NRXN1: variants seen among roughly 807,000 people sequenced by gnomAD.
NRXN1 encodes the protein neurexin 1.
NRXN1 carries 39 observed loss-of-function variants against 150.9 expected under a neutral mutation model. The ratio of observed to expected loss-of-function variants is 0.26; its 90% confidence interval spans 0.20 to 0.34. The LOEUF is 0.34. Ranked by LOEUF, NRXN1 falls within the 10% of genes least tolerant of loss-of-function variation. NRXN1 has a pLI of 1.00. For synonymous variants in NRXN1, 924 were observed against 757.0 expected (o/e 1.22, Z -3.62); for missense variants, 1,815 against 1,949.9 (o/e 0.93, Z 1.30).
intron 18 of NRXN1, among the ~76,000 whole-genome samples, chr2:50,217,135 A>G (rs1574544295): frequency 1.3e-5 from 2 of 152,232 alleles, no homozygotes; most frequent in African/African-American, 4.8e-5. Flanking sequence ...AGCAAAGCAG[A>G]TGTAGCAAAA....
intron 13 of NRXN1, among the ~76,000 whole-genome samples, chr2:50,500,281 A>G (rs1178409027): frequency 6.6e-6 from 1 of 152,150 alleles, no homozygotes; most frequent in Non-Finnish European, 1.5e-5. Context: ...TAGAATATGC[A>G]CACAGAGCAT....
intron 15 of NRXN1, among the ~76,000 whole-genome samples, chr2:50,482,077 T>A (rs2090514079): frequency 6.6e-6 from 1 of 152,108 alleles, no homozygotes; most frequent in African/African-American, 2.4e-5. Context: ...CGAACTTTTG[T>A]TTCTTATTTA....
intron 5 of NRXN1, chr2:50,631,119 T>G (rs113989332): frequency 2.0e-4 from 91 of 447,342 alleles, no homozygotes; most frequent in Non-Finnish European, 3.6e-4. Flanking sequence ...GGGAGAGTAG[T>G]TCACTCATTA....
chr2:50,144,144 T>C (rs961348289), intron 18 of NRXN1, among the ~76,000 whole-genome samples: 1 of 152,038 alleles, frequency 6.6e-6, no homozygotes, highest in African/African-American at 2.4e-5. Context: ...TGAAGACTAA[T>C]GAAGAGGCTC....
chr2:50,273,644 A>G (rs2070011171), intron 17 of NRXN1, among the ~76,000 whole-genome samples: 2 of 152,170 alleles, frequency 1.3e-5, no homozygotes, highest in South Asian at 4.1e-4. Flanking sequence ...AGGGCCTGAT[A>G]CATCTTAAGA....
intron 5 of NRXN1, among the ~76,000 whole-genome samples, chr2:50,650,883 T>C (rs1057046112): frequency 2.0e-5 from 3 of 152,020 alleles, no homozygotes; most frequent in East Asian, 1.9e-4. Context: ...TATTTGAATA[T>C]AAAAAAGTAT....
At chr2:50,600,995 C>T (rs1414955215) in intron 8 of NRXN1, among the ~76,000 whole-genome samples, 1 of 151,436 alleles carries the variant, frequency 6.6e-6, no homozygotes, top group Non-Finnish European at 1.5e-5. Context: ...ATGCTTCTAC[C>T]AATATGGTTA....
At chr2:50,065,982 C>T (rs1332964898) in intron 19 of NRXN1, among the ~76,000 whole-genome samples, 2 of 152,164 alleles carry the variant, frequency 1.3e-5, no homozygotes, top group East Asian at 1.9e-4. Context: ...CTTATCTCTG[C>T]GTTTCCTTTT....
At chr2:50,705,731 C>T (rs1694340969) in intron 5 of NRXN1, among the ~76,000 whole-genome samples, 1 of 152,152 alleles carries the variant, frequency 6.6e-6, no homozygotes, top group Admixed American at 6.5e-5. Flanking sequence ...GTACTTCCAT[C>T]CACACAAGTG....
At chr2:51,004,404 G>T (rs1459235988) in intron 2 of NRXN1, among the ~76,000 whole-genome samples, 1 of 151,748 alleles carries the variant, frequency 6.6e-6, no homozygotes, top group Non-Finnish European at 1.5e-5. Flanking sequence ...ATTTTGTTTG[G>T]ATAAGTCATC....
At chr2:50,920,381 AT>A (rs1229357807) in intron 5 of NRXN1, among the ~76,000 whole-genome samples, 1 of 151,804 alleles carries the variant, frequency 6.6e-6, no homozygotes, top group African/African-American at 2.4e-5. Context: ...AACATGAACT[AT>A]TCCATATGTA....
chr2:50,750,465 AG>A lies in NRXN1; in HGVS notation c.833-126851del, dbSNP rs757921248. Among the ~76,000 whole-genome samples, 113 of 152,232 alleles carry A rather than the reference AG, an allele frequency of 7.4e-4. 1 individual carries two copies. Among genetic ancestry groups the A allele is most frequent in the Admixed American group, 2.8e-3 (43 of 15,264 alleles). ...GAGAAAAGAAGAGAAGAGGAAAGAA[AG>A]AAAACCAAAGAAAGAACCTAATGCA... On this transcript the variant is annotated intron_variant, in intron 5 of 22. Transcript: ENST00000401669.
chr2:50,528,241 A>AT (rs3052538), intron 12 of NRXN1, among the ~76,000 whole-genome samples: 88,943 of 151,066 alleles, frequency 0.59, 27,831 homozygotes, highest in African/African-American at 0.81. Flanking sequence ...GGAATTAAGT[A>AT]TTTTTTTTTG....
intron 21 of NRXN1, among the ~76,000 whole-genome samples, chr2:49,977,000 T>A (rs1488116594): frequency 6.6e-6 from 1 of 152,168 alleles, no homozygotes; most frequent in Non-Finnish European, 1.5e-5. Flanking sequence ...CATCCATGTT[T>A]TTACCAATAA....
chr2:50,271,146 A>T (rs1374426421), intron 17 of NRXN1, among the ~76,000 whole-genome samples: 1 of 152,188 alleles, frequency 6.6e-6, no homozygotes, highest in Non-Finnish European at 1.5e-5. Flanking sequence ...GACAATATTG[A>T]TACAAAACAC....
At chr2:49,935,672 C>T (rs1670908456) in intron 22 of NRXN1, among the ~76,000 whole-genome samples, 1 of 152,178 alleles carries the variant, frequency 6.6e-6, no homozygotes, top group Non-Finnish European at 1.5e-5. Context: ...GCAGCATGTC[C>T]TCTAGATTGG....
At chr2:50,945,905 C>T (rs1237794454) in intron 2 of NRXN1, among the ~76,000 whole-genome samples, 57 of 143,572 alleles carry the variant, frequency 4.0e-4, no homozygotes, top group East Asian at 9.0e-4. Flanking sequence ...TATATACACA[C>T]ACACACACAC....
At chr2:50,850,546 C>T (rs1476531475) in intron 5 of NRXN1, among the ~76,000 whole-genome samples, 9 of 152,226 alleles carry the variant, frequency 5.9e-5, no homozygotes, top group Admixed American at 3.3e-4. Flanking sequence ...GCCAGCACCA[C>T]GCTATCAAAT....
intron 8 of NRXN1, among the ~76,000 whole-genome samples, chr2:50,610,638 G>GATATATATATATATATAT (rs1573776539): frequency 6.8e-5 from 2 of 29,552 alleles, no homozygotes; most frequent in Non-Finnish European, 1.4e-4. Flanking sequence ...ACTATAAATA[G>GATATATATATATATATAT]ATACATATAT....
Sources: gnomAD v4.1 joint callset for allele counts (sites outside exome capture counted in the v4.1 genomes callset) on GRCh38, gnomAD v4.1.1 for gene constraint, MANE v1.5 for transcripts, NCBI Gene and HGNC (gene_info 2026-07-23, HGNC 2026-07-21) for gene names.